Variants in CARD14 observed in about 807,000 individuals in gnomAD.
The protein encoded by CARD14 is caspase recruitment domain family member 14.
Under a neutral mutation model 111.5 loss-of-function variants are expected in CARD14, and 107 were observed. The ratio of observed to expected loss-of-function variants is 0.96; its 90% confidence interval spans 0.82 to 1.13. The LOEUF is 1.13. CARD14 is among the 50% of genes most tolerant of loss of function. CARD14 has a pLI of 0.00. For missense variants in CARD14, 1,322 were observed against 1,362.3 expected (o/e 0.97, Z 0.47); for synonymous variants, 617 against 579.6 (o/e 1.06, Z -0.93).
At chr17:80,185,272 G>A (rs1263098406) in intron 7 of CARD14, among the ~76,000 whole-genome samples, 1 of 151,886 alleles carries the variant, frequency 6.6e-6, no homozygotes, top group Non-Finnish European at 1.5e-5. Context: ...GGCTGGTCTC[G>A]GACTCTTGGG....
intron 9 of CARD14, among the ~76,000 whole-genome samples, chr17:80,190,377 C>A (rs1256684090): frequency 6.6e-6 from 1 of 152,058 alleles, no homozygotes; most frequent in African/African-American, 2.4e-5. Flanking sequence ...CTTTGGAAGG[C>A]CGAGGCAGGC....
rs1437676432 is a variant in CARD14, at chr17:80,201,883, C to T, written c.1978+13C>T. The T allele has an allele frequency of 2.5e-6, 4 of 1,603,710 alleles. No homozygotes were observed. Among genetic ancestry groups the T allele is most frequent in the Non-Finnish European group, 3.4e-6 (4 of 1,173,770 alleles). ...GTCAACACGGACGGTACACATACCACTCCTCTCGTGTGCACAGCTGCCTGG... is the reference window on the plus strand; with the variant it reads ...GTCAACACGGACGGTACACATACCATTCCTCTCGTGTGCACAGCTGCCTGG... On this transcript the variant is annotated intron_variant, in intron 17 of 23. Transcript: ENST00000648509. This position sits in a 1 kb window ranked among gnomAD's most constrained non-coding sequence, Gnocchi z 5.0.
chr17:80,183,670 G>A (rs1170158101), intron 6 of CARD14, among the ~76,000 whole-genome samples: 2 of 152,162 alleles, frequency 1.3e-5, no homozygotes, highest in East Asian at 3.9e-4. Flanking sequence ...TCTGGGCAAG[G>A]CTGTGGGGGC....
rs1677663413 is a variant in CARD14 at position 80,182,142 on chromosome 17, T to C, written c.211+493T>C. Among the ~76,000 whole-genome samples the C allele has an allele frequency of 6.6e-6, 1 of 152,130 alleles. No individual in the cohort carries two copies. Among genetic ancestry groups the C allele is most frequent in the Non-Finnish European group, 1.5e-5 (1 of 68,004 alleles). On this transcript the variant is annotated intron_variant, in intron 5 of 23. Transcript: ENST00000648509. The surrounding 1 kb of genome is among the most constrained non-coding windows in gnomAD (Gnocchi z 4.7). ...GTACGAACCCCAAACACAGGAGAGA[T>C]TGATGCACGCTGGTCATTCTGGCTG...
At chr17:80,190,282 T>C (rs796349718) in intron 9 of CARD14, among the ~76,000 whole-genome samples, 29 of 152,266 alleles carry the variant, frequency 1.9e-4, no homozygotes, top group African/African-American at 6.5e-4. Context: ...GTAATCAGCC[T>C]AAGCAACTTT....
chr17:80,176,744 C>G (rs1260632236), intron 2 of CARD14, among the ~76,000 whole-genome samples: 1 of 152,188 alleles, frequency 6.6e-6, no homozygotes, highest in Non-Finnish European at 1.5e-5. Flanking sequence ...AACGCACCAT[C>G]CTTTCATTTT....
intron 22 of CARD14, 167 bp downstream of exon 22, chr17:80,205,819 C>T: frequency 1.7e-6 from 1 of 598,118 alleles, no homozygotes; most frequent in Non-Finnish European, 2.8e-6. Flanking sequence ...TCATCTCAGC[C>T]AGTTAGGATC....
In CARD14 at chr17:80,181,525, G is replaced by C; in HGVS notation, c.87G>C (p.Arg29Ser). The change falls in exon 5 of 24, where the codon AGG (arginine) becomes AGC (serine). Residue 29 changes from arginine (R) to serine (S), a missense_variant. Arg to Ser is a moderately radical substitution (Grantham distance 110, BLOSUM62 -1). Coordinates refer to ENST00000648509, the MANE Select transcript of CARD14 (RefSeq NM_001366385.1). ...LWEMMESHRHRIVRCICPSRL... is the reference protein window; with the variant it reads ...LWEMMESHRHSIVRCICPSRL... ...AGATGATGGAGAGCCACCGCCACAGGATCGTACGCTGCATCTGCCCCAGCC... is the reference window on the plus strand; with the variant it reads ...AGATGATGGAGAGCCACCGCCACAGCATCGTACGCTGCATCTGCCCCAGCC... The C allele has an allele frequency of 6.3e-7, 1 of 1,588,520 alleles. No homozygotes were observed.
Position 80,202,402 on chromosome 17 carries a change from C to T in CARD14, c.2201C>T (p.Thr734Ile), listed in dbSNP as rs371296759. 7.4e-6 allele frequency: 12 copies of T among 1,612,350 alleles called. No homozygotes were observed. The highest frequency in any genetic ancestry group is 1.0e-5 in the Non-Finnish European group (12 of 1,179,576). Residue 734 changes from threonine (T) to isoleucine (I), a missense_variant, in exon 18 of 24, where the codon ACC (threonine) becomes ATC (isoleucine). Coordinates refer to ENST00000648509, the MANE Select transcript of CARD14 (RefSeq NM_001366385.1). ...ATGAAGGATACTGCCGCGCACGGCA[C>T]CATCCCCAACTACTCCAGGTGAGCA... ...YTMKDTAAHGTIPNYSRAQQQ... is the reference protein window; with the variant it reads ...YTMKDTAAHGIIPNYSRAQQQ...
At chr17:80,171,173 T>TCCTCCCTCCCTC (rs771182298) in intron 1 of CARD14, among the ~76,000 whole-genome samples, 7 of 52,514 alleles carry the variant, frequency 1.3e-4, no homozygotes, top group African/African-American at 3.0e-4. Context: ...CCCCTCCCCT[T>TCCTCCCTCCCTC]CCTCCCTCCC....
intron 16 of CARD14, among the ~76,000 whole-genome samples, chr17:80,200,229 ATT>A (rs373332962): frequency 0.029 from 2,169 of 74,278 alleles, 9 homozygotes; most frequent in African/African-American, 0.061. Context: ...TTTACATGTC[ATT>A]TTTTTTTTTT....
intron 1 of CARD14, among the ~76,000 whole-genome samples, chr17:80,172,252 C>T (rs2039918425): frequency 6.6e-6 from 1 of 152,232 alleles, no homozygotes; most frequent in Admixed American, 6.5e-5. Flanking sequence ...CCTGTATTTT[C>T]CATCTGCCTT....
Position 80,183,938 on chromosome 17 carries a change from C to G in CARD14, c.375C>G (p.Thr125=). The part of the protein sequence containing the change: ...FSGLMETSKL[T]ECLAGAIGSL... Reference sequence around the variant, plus strand: ...GTCTCATGGAGACATCCAAGCTGACCGAGTGCCTGGCTGGGGCCATCGGCA... The same window carrying G: ...GTCTCATGGAGACATCCAAGCTGACGGAGTGCCTGGCTGGGGCCATCGGCA... The change falls in exon 7 of 24, where the codon ACC becomes ACG. Residue 125 remains threonine (T), a synonymous_variant. Transcript: ENST00000648509. 1 of 1,527,890 alleles carries G rather than the reference C, an allele frequency of 6.5e-7. No individual in the cohort carries two copies. The highest frequency in any genetic ancestry group is 8.8e-7 in the Non-Finnish European group (1 of 1,136,338). 94.6% of individuals were successfully genotyped at this position (1,527,890 alleles called of 1,614,324 possible). A position where few individuals can be genotyped will look rare whatever the true frequency, so the allele number is the denominator to read the frequency against.
At chr17:80,187,369 AC>A (rs1182847687) in intron 7 of CARD14, among the ~76,000 whole-genome samples, 5 of 152,184 alleles carry the variant, frequency 3.3e-5, no homozygotes, top group African/African-American at 1.2e-4. Flanking sequence ...TTTGTGAGTC[AC>A]TGTATCTTCG....
intron 7 of CARD14, 45 bp downstream of exon 7, chr17:80,184,283 C>G: frequency 7.0e-7 from 1 of 1,428,778 alleles, no homozygotes; most frequent in South Asian, 1.5e-5. Flanking sequence ...CTGTCGTCTG[C>G]CCCCAGGCCT....
chr17:80,186,751 T>C lies in CARD14; in HGVS notation c.676-1626T>C, dbSNP rs183117575. 2.8e-3 allele frequency among the ~76,000 whole-genome samples: 420 copies of C among 152,284 alleles called. 2 individuals are homozygous for C. Among genetic ancestry groups the C allele is most frequent in the African/African-American group, 9.5e-3 (396 of 41,566 alleles). ...TTTTAGTAGAGACGGGGTTTTGCCA[T>C]GTTGGCCAGGCTGGTCTCAAACTCC... On this transcript the variant is annotated intron_variant, in intron 7 of 23. Transcript: ENST00000648509.
intron 7 of CARD14, among the ~76,000 whole-genome samples, chr17:80,187,163 A>T (rs1049181490): frequency 1.3e-5 from 2 of 152,114 alleles, no homozygotes; most frequent in African/African-American, 4.8e-5. Flanking sequence ...CCCAGGGGGA[A>T]CGCTGCTCCC....
chr17:80,204,990 G>A (rs773347957), intron 20 of CARD14, 45 bp from the exon 21 acceptor site: 7 of 1,483,860 alleles, frequency 4.7e-6, no homozygotes, highest in Non-Finnish European at 4.5e-6. Flanking sequence ...GGCTGGCTGG[G>A]GGCTGCCGCA....
intron 7 of CARD14, among the ~76,000 whole-genome samples, chr17:80,187,308 C>A (rs2040376494): frequency 6.6e-6 from 1 of 152,246 alleles, no homozygotes; most frequent in Non-Finnish European, 1.5e-5. Flanking sequence ...ATTCACCTCC[C>A]CCCGCCAGCC....
Sources: allele counts gnomAD v4.1 joint callset (sites outside exome capture counted in the v4.1 genomes callset), GRCh38; gene constraint gnomAD v4.1.1; non-coding constraint Gnocchi (gnomAD v3.1); transcripts MANE v1.5; gene names NCBI Gene and HGNC (gene_info 2026-07-23, HGNC 2026-07-21).